Variants in CHST13 observed in about 807,000 individuals in gnomAD.
CHST13 encodes the protein C4ST-3.
In CHST13, 1 loss-of-function variant was observed where a neutral mutation model predicts 7.0. The observed-to-expected ratio is 0.14, with a 90% CI of 0.05 to 0.68. The LOEUF (loss-of-function observed/expected upper bound fraction) is 0.68. Among genes scored for constraint, CHST13 ranks in the 30% least tolerant of loss-of-function variants. The pLI is 0.82. For missense variants in CHST13, 572 were observed against 507.9 expected, an observed-to-expected ratio of 1.13 and a Z score of -1.21; for synonymous variants, 257 against 240.9, an observed-to-expected ratio of 1.07 and a Z score of -0.62.
At chr3:126,536,464 G>C in intron 2 of CHST13, 111 bp downstream of exon 2, 3 of 774,952 alleles carry the variant, frequency 3.9e-6, no homozygotes, top group Non-Finnish European at 6.3e-6. Flanking sequence ...CTGGGGCACA[G>C]AAGGGCATCC....
intron 1 of CHST13, chr3:126,526,902 C>T (rs60982721): frequency 0.06 from 9,158 of 152,420 alleles, 728 homozygotes; most frequent in African/African-American, 0.18. Flanking sequence ...CCATGCTTCC[C>T]GTGGCTGGCA....
At chr3:126,526,355 C>T (rs1262355836) in intron 1 of CHST13, among the ~76,000 whole-genome samples, 1 of 152,234 alleles carries the variant, frequency 6.6e-6, no homozygotes, top group Non-Finnish European at 1.5e-5. Flanking sequence ...TCACGAGGGC[C>T]TGCAGTGTCT....
chr3:126,529,338 T>G (rs1250724027), intron 1 of CHST13: 1 of 1,289,344 alleles, frequency 7.8e-7, no homozygotes, highest in South Asian at 1.2e-5. Flanking sequence ...TGGGCTGGTA[T>G]TTCCTCATGG....
intron 2 of CHST13, among the ~76,000 whole-genome samples, chr3:126,539,335 G>A (rs1274744759): frequency 6.6e-6 from 1 of 152,018 alleles, no homozygotes; most frequent in African/African-American, 2.4e-5. Flanking sequence ...GTTAAGCCCT[G>A]TTCTGCACTT....
chr3:126,534,279 A>T (rs74600495), intron 1 of CHST13, among the ~76,000 whole-genome samples: 1,863 of 152,364 alleles, frequency 0.012, 37 homozygotes, highest in African/African-American at 0.042. Context: ...ATATTAATTG[A>T]CTATGCATAA....
intron 2 of CHST13, among the ~76,000 whole-genome samples, chr3:126,540,095 G>A (rs865976929): frequency 3.3e-5 from 5 of 150,166 alleles, no homozygotes; most frequent in South Asian, 2.1e-4. Context: ...CACCACACAC[G>A]CACAGGACAC....
chr3:126,534,582 CAG>C (rs1468009468), intron 1 of CHST13, among the ~76,000 whole-genome samples: 1 of 150,926 alleles, frequency 6.6e-6, no homozygotes, highest in Non-Finnish European at 1.5e-5. Context: ...GAGACACACA[CAG>C]AGAGCATCTC....
At chr3:126,525,965 G>C (rs895101922) in intron 1 of CHST13, among the ~76,000 whole-genome samples, 1 of 152,126 alleles carries the variant, frequency 6.6e-6, no homozygotes, top group African/African-American at 2.4e-5. Flanking sequence ...TTAGGAGGAC[G>C]GCTCCGAACC....
In CHST13 at chr3:126,542,320, G is replaced by A; in HGVS notation, c.768G>A (p.Pro256=). 1 of 1,568,894 alleles carries A rather than the reference G, an allele frequency of 6.4e-7. No individual in the cohort carries two copies. Among genetic ancestry groups the A allele is most frequent in the Non-Finnish European group, 8.6e-7 (1 of 1,160,696 alleles). ...HWERAHALCH[P]CRLRYDVVGK... is the part of the protein sequence containing the mutation. Reference sequence around the variant, plus strand: ...AGCGCGCGCACGCGCTCTGCCACCCGTGTCGCCTCCGCTACGACGTCGTGG... The same window carrying A: ...AGCGCGCGCACGCGCTCTGCCACCCATGTCGCCTCCGCTACGACGTCGTGG... The change falls in exon 3 of 3, where the codon CCG becomes CCA. Residue 256 remains proline, a synonymous_variant. Transcript: ENST00000319340.
intron 1 of CHST13, among the ~76,000 whole-genome samples, chr3:126,532,031 C>T (rs578043247): frequency 1.1e-4 from 16 of 152,286 alleles, no homozygotes; most frequent in East Asian, 1.9e-4. Flanking sequence ...AGTGATGTTG[C>T]GCACCTTTTC....
chr3:126,539,805 C>CGCACCACGTGCATACCAA (rs1936900611), intron 2 of CHST13, among the ~76,000 whole-genome samples: 2 of 73,708 alleles, frequency 2.7e-5, no homozygotes, highest in African/African-American at 7.3e-5. Context: ...AGACACCACA[C>CGCACCACGTGCATACCAA]CACACACCAC....
At chr3:126,526,007 T>C (rs12496524) in intron 1 of CHST13, among the ~76,000 whole-genome samples, 81,084 of 152,080 alleles carry the variant, frequency 0.53, 24,088 homozygotes, top group African/African-American at 0.81. Flanking sequence ...GGCTGGGCTC[T>C]CCACCTGGCC....
chr3:126,525,703 G>C (rs59433529), intron 1 of CHST13, among the ~76,000 whole-genome samples: 1 of 152,140 alleles, frequency 6.6e-6, no homozygotes, highest in Non-Finnish European at 1.5e-5. Flanking sequence ...TGGCCCCTCA[G>C]GGCTCAGCGT....
At chr3:126,531,971 C>T (rs534029224) in intron 1 of CHST13, among the ~76,000 whole-genome samples, 1 of 152,340 alleles carries the variant, frequency 6.6e-6, no homozygotes, top group South Asian at 2.1e-4. Flanking sequence ...TATTTACTGT[C>T]TTTTTAAATA....
intron 2 of CHST13, 40 bp from the exon 3 acceptor site, chr3:126,541,693 C>T: frequency 7.1e-7 from 1 of 1,407,818 alleles, no homozygotes; most frequent in South Asian, 1.5e-5. Flanking sequence ...GCCCGCGCTG[C>T]CCTGACGCGT....
At chr3:126,530,053 G>A (rs1936619741) in intron 1 of CHST13, among the ~76,000 whole-genome samples, 1 of 152,220 alleles carries the variant, frequency 6.6e-6, no homozygotes, top group Non-Finnish European at 1.5e-5. Context: ...GGCCCTGTTT[G>A]GGGCCAGCCC....
In CHST13 at chr3:126,534,404, GAC is replaced by G. The variant is rs1936720175; in HGVS notation, c.98-1865_98-1864del. Among the ~76,000 whole-genome samples the G allele has an allele frequency of 5.3e-5, 8 of 152,292 alleles. No individual in the cohort carries two copies. In the South Asian group the frequency reaches 1.7e-3, roughly 32 times the overall value. On this transcript the variant is annotated intron_variant, in intron 1 of 2. Transcript: ENST00000319340. ...AGTGCAGCAAGGAGACAGACAGACA[GAC>G]AGACAGCATCCCTGTCCTCATCTGG...
At chr3:126,536,916 CACACA>C (rs1936807332) in intron 2 of CHST13, among the ~76,000 whole-genome samples, 1 of 151,504 alleles carries the variant, frequency 6.6e-6, no homozygotes, top group African/African-American at 2.4e-5. Flanking sequence ...CACACACACA[CACACA>C]CACCCCACAC....
intron 1 of CHST13, among the ~76,000 whole-genome samples, chr3:126,535,188 GAGAC>G (rs1386351010): frequency 5.3e-5 from 8 of 150,028 alleles, no homozygotes; most frequent in African/African-American, 7.4e-5. Context: ...CCCCAGCCGG[GAGAC>G]AGACAGACAG....
Sources: allele counts gnomAD v4.1 joint callset (sites outside exome capture counted in the v4.1 genomes callset), GRCh38; gene constraint gnomAD v4.1.1; transcripts MANE v1.5; gene names NCBI Gene and HGNC (gene_info 2026-07-23, HGNC 2026-07-21).